NRG2: variants seen among roughly 807,000 people sequenced by gnomAD.
NRG2 encodes neuregulin 2, also known as pro-neuregulin-2, membrane-bound isoform.
NRG2 carries 27 observed loss-of-function variants against 73.9 expected under a neutral mutation model. The observed-to-expected ratio is 0.37, with a 90% CI of 0.27 to 0.50. The LOEUF (loss-of-function observed/expected upper bound fraction) is 0.50. NRG2 is among the 20% of genes least tolerant of loss of function. The pLI, the probability that NRG2 is intolerant of heterozygous loss-of-function variation, is 0.96. For synonymous variants in NRG2, 532 were observed against 541.0 expected, an observed-to-expected ratio of 0.98 and a Z score of 0.23; for missense variants, 1,126 against 1,210.1, an observed-to-expected ratio of 0.93 and a Z score of 1.03.
At position 139,887,307 on chromosome 5, in the gene NRG2, G is replaced by T. The variant is rs753370913; in HGVS notation, c.872+33C>A. The T allele has an allele frequency of 1.2e-6, 2 of 1,610,504 alleles. No individual in the cohort carries two copies. Among genetic ancestry groups the T allele is most frequent in the African/African-American group, 2.7e-5 (2 of 75,030 alleles). Reference sequence around the variant, plus strand: ...CTTCTCGAGAGGAGGGAGGGCAGCTGCTTGGATGGAGGACAGGCTGGATAT... The same window carrying T: ...CTTCTCGAGAGGAGGGAGGGCAGCTTCTTGGATGGAGGACAGGCTGGATAT... On this transcript the variant is annotated intron_variant, in intron 2 of 9. Transcript: ENST00000361474. The surrounding 1 kb of genome is among the most constrained non-coding windows in gnomAD (Gnocchi z 4.5).
Position 139,893,773 on chromosome 5 carries a change from G to T in NRG2, c.701-6262C>A, listed in dbSNP as rs576959191. 4.5e-4 allele frequency among the ~76,000 whole-genome samples: 68 copies of T among 152,274 alleles called. No individual in the cohort carries two copies. The South Asian group carries it at 0.011, about 24-fold the overall frequency. ...GTGGGGATGTGGGGAGGTCTCCCTT[G>T]GCAGCTTTATAAGAACAAGAAGCTC... On this transcript the variant is annotated intron_variant, in intron 1 of 9. Transcript: ENST00000361474.
In NRG2 at chr5:139,887,451, G is replaced by A. The variant is rs926202595; in HGVS notation, c.761C>T (p.Ser254Leu). 14 of 1,614,216 alleles carry A rather than the reference G, an allele frequency of 8.7e-6. No homozygotes were observed. The highest frequency in any genetic ancestry group is 1.6e-4 in the Middle Eastern group (1 of 6,062). Residue 254 changes from serine (S) to leucine (L), a missense_variant, in exon 2 of 10, where the codon TCG becomes TTG. Around this residue, in one of 3 missense-constraint regions of NRG2, gnomAD observed 539 missense variants for 703.2 expected, o/e 0.77. Coordinates refer to ENST00000361474, the MANE Select transcript of NRG2 (RefSeq NM_004883.3). The surrounding 1 kb of genome is among the most constrained non-coding windows in gnomAD (Gnocchi z 4.5). ...SQTGQVGEKQ[S>L]LKCEAAAGNP... ...ACCGGCTGCTGCCTCACACTTCAGC[G>A]ATTGCTTCTCACCCACCTGTCCCGT...
chr5:140,025,213 T>C (rs1444987612), intron 1 of NRG2, among the ~76,000 whole-genome samples: 2 of 152,222 alleles, frequency 1.3e-5, no homozygotes, highest in African/African-American at 4.8e-5. Context: ...TTCTGCTTGC[T>C]GGATTCAGAC....
intron 1 of NRG2, among the ~76,000 whole-genome samples, chr5:140,037,388 A>T (rs1028083868): frequency 6.6e-6 from 1 of 152,210 alleles, no homozygotes; most frequent in African/African-American, 2.4e-5. Flanking sequence ...TCTGAAAAAT[A>T]AGTTGGTATT....
intron 5 of NRG2, among the ~76,000 whole-genome samples, chr5:139,864,425 TCCAACC>T (rs1762346528): frequency 6.9e-6 from 1 of 145,102 alleles, no homozygotes; most frequent in African/African-American, 2.6e-5. Context: ...AAGGGAAAGC[TCCAACC>T]TCATAAGTTG....
Position 139,853,799 on chromosome 5 carries a change from G to A in NRG2, c.1293-772C>T, listed in dbSNP as rs1281476058. On this transcript the variant is annotated intron_variant, in intron 6 of 9. Coordinates refer to ENST00000361474, the MANE Select transcript of NRG2 (RefSeq NM_004883.3). The surrounding 1 kb of genome is among the most constrained non-coding windows in gnomAD (Gnocchi z 4.1). The stretch of plus-strand genomic sequence containing the variant: ...AAGGAAGTGGGGGGTTGGGAGGGAG[G>A]TGGGGATGGTTCATGGGTACAAAAA... Among the ~76,000 whole-genome samples the A allele has an allele frequency of 6.6e-6, 1 of 152,114 alleles. No individual in the cohort carries two copies. The highest frequency in any genetic ancestry group is 2.4e-5 in the African/African-American group (1 of 41,414).
chr5:139,959,042 G>A (rs34125321), intron 1 of NRG2, among the ~76,000 whole-genome samples: 21,330 of 152,192 alleles, frequency 0.14, 1,610 homozygotes, highest in South Asian at 0.25. Context: ...GGGCAGACTG[G>A]GGCAGGGCCT....
At chr5:139,863,354 G>A (rs1762272628) in intron 5 of NRG2, among the ~76,000 whole-genome samples, 1 of 152,242 alleles carries the variant, frequency 6.6e-6, no homozygotes, top group Admixed American at 6.5e-5. Flanking sequence ...TGCTTGAAGA[G>A]CATAAATCCT....
chr5:139,859,098 C>T (rs1761979580), intron 5 of NRG2, among the ~76,000 whole-genome samples: 1 of 152,140 alleles, frequency 6.6e-6, no homozygotes. Flanking sequence ...ATGGAGGAGC[C>T]TCCCGGTGCA....
intron 3 of NRG2, among the ~76,000 whole-genome samples, chr5:139,879,805 C>T (rs1380082071): frequency 1.3e-5 from 2 of 152,156 alleles, no homozygotes; most frequent in South Asian, 2.1e-4. Flanking sequence ...CTGGCAAGGA[C>T]ATGGAGACTC....
At chr5:139,960,830 G>A (rs1179172765) in intron 1 of NRG2, among the ~76,000 whole-genome samples, 5 of 152,190 alleles carry the variant, frequency 3.3e-5, no homozygotes, top group Non-Finnish European at 2.9e-5. Context: ...AAGGGGACAA[G>A]TTAACCCCAC....
Position 139,880,963 on chromosome 5 carries a change from C to T in NRG2, c.884G>A (p.Arg295Gln), listed in dbSNP as rs1263327816. 1.1e-5 allele frequency: 17 copies of T among 1,613,894 alleles called. No individual in the cohort carries two copies. Among genetic ancestry groups the T allele is most frequent in the African/African-American group, 1.3e-5 (1 of 74,928 alleles). Residue 295 changes from arginine (R) to glutamine (Q), a missense_variant, in exon 3 of 10, where the codon CGA becomes CAA. By Grantham distance (43) the Arg-to-Gln change is conservative. Coordinates refer to ENST00000361474, the MANE Select transcript of NRG2 (RefSeq NM_004883.3). ...IKYGNGRKNS[R>Q]LQFNKVKVED... ...CACCTTCACCTTGTTGAACTGTAGT[C>T]GTGAGTTCTTTCTGGTTAGGGAGGG...
chr5:139,976,907 A>G (rs1257456955), intron 1 of NRG2, among the ~76,000 whole-genome samples: 1 of 152,178 alleles, frequency 6.6e-6, no homozygotes. Context: ...AAGTGCTGAC[A>G]TTGCTTCTGC....
At chr5:140,037,241 C>G (rs1043786492) in intron 1 of NRG2, among the ~76,000 whole-genome samples, 1 of 152,160 alleles carries the variant, frequency 6.6e-6, no homozygotes, top group Non-Finnish European at 1.5e-5. Flanking sequence ...GATCACCAAG[C>G]GTGTGAAACA....
chr5:139,961,985 C>T (rs1755100744), intron 1 of NRG2, among the ~76,000 whole-genome samples: 1 of 152,174 alleles, frequency 6.6e-6, no homozygotes, highest in South Asian at 2.1e-4. Context: ...TCCACTGAGG[C>T]TCTTGCTTTC....
At chr5:140,012,225 T>G (rs1473827926) in intron 1 of NRG2, among the ~76,000 whole-genome samples, 4 of 43,834 alleles carry the variant, frequency 9.1e-5, no homozygotes, top group African/African-American at 7.2e-4. Flanking sequence ...CCAGAAAGAT[T>G]CTTCAATCCC....
At chr5:139,941,032 G>C (rs1394971373) in intron 1 of NRG2, among the ~76,000 whole-genome samples, 1 of 152,138 alleles carries the variant, frequency 6.6e-6, no homozygotes, top group Non-Finnish European at 1.5e-5. Context: ...ATTCTAGACA[G>C]AGAGAATAGC....
At position 139,921,555 on chromosome 5, in the gene NRG2, A is replaced by G. The variant is rs956651224; in HGVS notation, c.701-34044T>C. 3.4e-5 allele frequency among the ~76,000 whole-genome samples: 5 copies of G among 145,934 alleles called. No individual in the cohort carries two copies. The Admixed American group carries it at 3.5e-4, about 10-fold the overall frequency. The stretch of plus-strand genomic sequence containing the variant: ...TACAGGTAACTTAACAGCTACCTGT[A>G]AAAAAAAAAAGAATCTAGACACAGG... On this transcript the variant is annotated intron_variant, in intron 1 of 9. Coordinates refer to ENST00000361474, the MANE Select transcript of NRG2 (RefSeq NM_004883.3).
chr5:139,983,892 T>A (rs994925364), intron 1 of NRG2, among the ~76,000 whole-genome samples: 1 of 152,194 alleles, frequency 6.6e-6, no homozygotes, highest in Non-Finnish European at 1.5e-5. Flanking sequence ...ATAAATGATT[T>A]GTTTTCCTGG....
Sources: gnomAD v4.1 joint callset for allele counts (sites outside exome capture counted in the v4.1 genomes callset) on GRCh38, gnomAD v4.1.1 for gene constraint, gnomAD v4.1.1 regional missense constraint, Gnocchi (gnomAD v3.1) non-coding constraint, MANE v1.5 for transcripts, NCBI Gene and HGNC (gene_info 2026-07-23, HGNC 2026-07-21) for gene names.